The following ST3GAL5 variants were observed in gnomAD, a reference collection of about 807,000 sequenced individuals.
ST3GAL5 encodes the protein lactosylceramide alpha-2,3-sialyltransferase.
ST3GAL5 carries 25 observed loss-of-function variants against 46.1 expected under a neutral mutation model. That is an observed-to-expected ratio of 0.54 (90% CI 0.40 to 0.76). ST3GAL5 has a LOEUF of 0.76. Ranked by LOEUF, ST3GAL5 falls within the 30% of genes least tolerant of loss-of-function variation. The pLI is 0.00. For missense variants in ST3GAL5, 431 were observed against 521.2 expected (o/e 0.83, Z 1.69); for synonymous variants, 182 against 192.7 (o/e 0.94, Z 0.46).
intron 3 of ST3GAL5, chr2:85,853,970 C>T (rs1297783021): frequency 1.3e-5 from 2 of 152,168 alleles, no homozygotes; most frequent in Admixed American, 1.3e-4. Flanking sequence ...TCTAGTAACA[C>T]AATAAGACAC....
intron 1 of ST3GAL5, among the ~76,000 whole-genome samples, chr2:85,869,021 C>T (rs1455715901): frequency 6.6e-6 from 1 of 152,204 alleles, no homozygotes; most frequent in Admixed American, 6.5e-5. Flanking sequence ...GAAGAAAGTA[C>T]ACCTGTCATC....
chr2:85,863,754 C>A (rs1346663484), intron 1 of ST3GAL5, among the ~76,000 whole-genome samples: 1 of 151,302 alleles, frequency 6.6e-6, no homozygotes, highest in Non-Finnish European at 1.5e-5. Context: ...GTTGCCCAGG[C>A]TGGAGTGCAG....
intron 3 of ST3GAL5, 22 bp from the exon 4 acceptor site, chr2:85,848,226 C>A: frequency 6.2e-7 from 1 of 1,613,870 alleles, no homozygotes; most frequent in Non-Finnish European, 8.5e-7. Flanking sequence ...TCACACCAAT[C>A]TGGGTTTTAA....
intron 1 of ST3GAL5, among the ~76,000 whole-genome samples, chr2:85,864,026 T>C (rs1685013295): frequency 6.6e-6 from 1 of 152,106 alleles, no homozygotes; most frequent in South Asian, 2.1e-4. Flanking sequence ...ATTCTTAAAA[T>C]GACAAAATTA....
At chr2:85,850,353 C>G (rs112458508) in intron 3 of ST3GAL5, 509 of 152,358 alleles carry the variant, frequency 3.3e-3, no homozygotes, top group African/African-American at 0.011. Context: ...AAAACAACAG[C>G]CTCTACCTAT....
chr2:85,869,524 A>G (rs1323579328), intron 1 of ST3GAL5, among the ~76,000 whole-genome samples: 1 of 152,182 alleles, frequency 6.6e-6, no homozygotes, highest in Admixed American at 6.5e-5. Context: ...AAATCACCCA[A>G]ATAAAATATT....
chr2:85,846,590 C>T, intron 4 of ST3GAL5, 27 bp from the exon 5 acceptor site: 1 of 1,611,072 alleles, frequency 6.2e-7, no homozygotes, highest in Non-Finnish European at 8.5e-7. Context: ...GACAAAGACA[C>T]ACTGACAAAG....
intron 1 of ST3GAL5, among the ~76,000 whole-genome samples, chr2:85,886,187 G>A (rs753305543): frequency 1.3e-5 from 2 of 152,370 alleles, no homozygotes; most frequent in South Asian, 4.1e-4. Flanking sequence ...TCAGCGCTTT[G>A]GGAGGGCAAT....
At chr2:85,857,065 C>T (rs147345772) in intron 3 of ST3GAL5, among the ~76,000 whole-genome samples, 8,099 of 61,634 alleles carry the variant, frequency 0.13, 369 homozygotes, top group East Asian at 0.26. Context: ...CCTGCCTCTA[C>T]CAAAAAAAAA....
At chr2:85,858,077 A>G (rs1684338561) in intron 3 of ST3GAL5, 1 of 152,224 alleles carries the variant, frequency 6.6e-6, no homozygotes, top group African/African-American at 2.4e-5. Flanking sequence ...GTTCAGTCTG[A>G]AAGTCACTGA....
chr2:85,874,793 GCCT>G (rs1208437658), intron 1 of ST3GAL5, among the ~76,000 whole-genome samples: 2 of 150,996 alleles, frequency 1.3e-5, no homozygotes, highest in Admixed American at 6.7e-5. Flanking sequence ...ATGATCAGTG[GCCT>G]GCAACTAGAT....
intron 1 of ST3GAL5, among the ~76,000 whole-genome samples, chr2:85,872,247 T>C (rs1686014218): frequency 6.6e-6 from 1 of 152,000 alleles, no homozygotes; most frequent in African/African-American, 2.4e-5. Flanking sequence ...CAAACCTCGG[T>C]CCCAATCAGA....
rs181417406 is a variant in ST3GAL5 at position 85,852,954 on chromosome 2, T to C, written c.319-4750A>G. 9.0e-5 allele frequency: 118 copies of C among 1,304,228 alleles called. No homozygotes were observed. The African/African-American group carries it at 1.7e-3, about 18-fold the overall frequency. 80.8% of individuals were successfully genotyped at this position (1,304,228 alleles called of 1,614,324 possible). ...GATGCTGGTGCCTGGGCTCACTGAATGCTTCAGCAGGGAGGGCCCTGCTTC... is the reference window on the plus strand; with the variant it reads ...GATGCTGGTGCCTGGGCTCACTGAACGCTTCAGCAGGGAGGGCCCTGCTTC... On this transcript the variant is annotated intron_variant, in intron 3 of 6. Transcript: ENST00000638572.
In ST3GAL5 at chr2:85,861,291, A is replaced by G. The variant is rs1234624434; in HGVS notation, c.208T>C (p.Cys70Arg). Reference sequence around the variant, plus strand: ...CACACTCCAAACACAAGCAATGTACATCTGGAAAAAAATCAATTAGGTATT... The same window carrying G: ...CACACTCCAAACACAAGCAATGTACGTCTGGAAAAAAATCAATTAGGTATT... ...PSLLLKDILK[C>R]TLLVFGVWIL... Residue 70 changes from cysteine to arginine, a missense_variant and splice_region_variant, in exon 3 of 7, where the codon TGT becomes CGT. Cys to Arg is a radical substitution (Grantham distance 180, BLOSUM62 -3). Transcript: ENST00000638572. 6.3e-7 allele frequency: 1 copy of G among 1,591,782 alleles called. No homozygotes were observed. The highest frequency in any genetic ancestry group is 1.1e-5 in the South Asian group (1 of 90,620).
intron 3 of ST3GAL5, chr2:85,848,468 C>G: frequency 7.6e-7 from 1 of 1,322,870 alleles, no homozygotes; most frequent in South Asian, 1.3e-5. Context: ...CCGCCTCCCA[C>G]CCCCAGCCTA....
chr2:85,879,718 T>C (rs1686950159), intron 1 of ST3GAL5, among the ~76,000 whole-genome samples: 1 of 152,148 alleles, frequency 6.6e-6, no homozygotes, highest in Admixed American at 6.5e-5. Context: ...TTGGGCTGAA[T>C]AAATAATACT....
chr2:85,885,368 C>T (rs983316316), intron 1 of ST3GAL5, among the ~76,000 whole-genome samples: 9 of 152,260 alleles, frequency 5.9e-5, no homozygotes, highest in African/African-American at 2.2e-4. Context: ...TGCTGCCTGA[C>T]CCACTGGGAG....
intron 6 of ST3GAL5, among the ~76,000 whole-genome samples, chr2:85,841,947 C>A (rs1682162761): frequency 6.6e-6 from 1 of 152,178 alleles, no homozygotes; most frequent in Non-Finnish European, 1.5e-5. Flanking sequence ...CTATTAGCAT[C>A]CTTTTGTATA....
intron 3 of ST3GAL5, among the ~76,000 whole-genome samples, chr2:85,857,345 T>C (rs1040641658): frequency 7.9e-5 from 12 of 151,812 alleles, no homozygotes; most frequent in African/African-American, 1.5e-4. Context: ...AAGACCAGCC[T>C]GGCCAACATG....
Sources: allele counts gnomAD v4.1 joint callset (sites outside exome capture counted in the v4.1 genomes callset), GRCh38; gene constraint gnomAD v4.1.1; transcripts MANE v1.5; gene names NCBI Gene and HGNC (gene_info 2026-07-23, HGNC 2026-07-21).